Variants in SNTG2 observed in about 807,000 individuals in gnomAD.
SNTG2 encodes syntrophin gamma 2.
SNTG2 carries 74 observed loss-of-function variants against 70.9 expected under a neutral mutation model. The observed-to-expected ratio is 1.04, with a 90% CI of 0.86 to 1.27. SNTG2 has a LOEUF of 1.27. SNTG2 is among the 50% of genes most tolerant of loss of function. SNTG2 has a pLI of 0.00. For missense variants in SNTG2, 717 were observed against 690.7 expected, an observed-to-expected ratio of 1.04 and a Z score of -0.43; for synonymous variants, 278 against 273.8, an observed-to-expected ratio of 1.02 and a Z score of -0.15.
chr2:1,137,119 A>T (rs1001651452), intron 4 of SNTG2, among the ~76,000 whole-genome samples: 2 of 152,188 alleles, frequency 1.3e-5, no homozygotes, highest in Non-Finnish European at 2.9e-5. Context: ...TTTCCTTATG[A>T]AGAGGCCAAT....
rs1468161280 is a variant in SNTG2 at position 1,097,845 on chromosome 2, C to T, written c.211-351C>T. ...CGGTTCTAAAACAGGACTGAGTGCT[C>T]CGCCCCACTTCCCTTTCACCACCTG... On this transcript the variant is annotated intron_variant, in intron 2 of 16. Coordinates refer to ENST00000308624, the MANE Select transcript of SNTG2 (RefSeq NM_018968.4). This position sits in a 1 kb window ranked among gnomAD's most constrained non-coding sequence, Gnocchi z 4.1. 1.3e-5 allele frequency among the ~76,000 whole-genome samples: 2 copies of T among 151,746 alleles called. No individual in the cohort carries two copies. Among genetic ancestry groups the T allele is most frequent in the African/African-American group, 2.4e-5 (1 of 41,330 alleles).
At chr2:1,130,712 G>A (rs1667961681) in intron 4 of SNTG2, among the ~76,000 whole-genome samples, 1 of 152,130 alleles carries the variant, frequency 6.6e-6, no homozygotes, top group Non-Finnish European at 1.5e-5. Context: ...TGTATTTCTT[G>A]CCAAGAGGCT....
chr2:1,055,359 G>C (rs1322739760), intron 1 of SNTG2, among the ~76,000 whole-genome samples: 1 of 152,158 alleles, frequency 6.6e-6, no homozygotes, highest in Non-Finnish European at 1.5e-5. Flanking sequence ...GTTGCCTAGA[G>C]TGGGTACCGT....
intron 16 of SNTG2, among the ~76,000 whole-genome samples, chr2:1,331,994 G>T (rs978743006): frequency 6.6e-6 from 1 of 151,926 alleles, no homozygotes; most frequent in South Asian, 2.1e-4. Context: ...ACCCAGCCTG[G>T]TGCCTGCTCG....
At chr2:956,194 G>GCCCTGC (rs1660145543) in intron 1 of SNTG2, among the ~76,000 whole-genome samples, 2 of 38,804 alleles carry the variant, frequency 5.2e-5, no homozygotes, top group African/African-American at 8.7e-5. Context: ...ACCTACCCCT[G>GCCCTGC]CCCTGCCACT....
chr2:1,193,525 T>C (rs1672726994), intron 8 of SNTG2, among the ~76,000 whole-genome samples: 1 of 152,224 alleles, frequency 6.6e-6, no homozygotes, highest in Admixed American at 6.5e-5. Flanking sequence ...AAGTAAATCA[T>C]TTAAAACACT....
chr2:1,307,288 CTG>C (rs1365840165), intron 14 of SNTG2, among the ~76,000 whole-genome samples: 9 of 139,138 alleles, frequency 6.5e-5, no homozygotes, highest in African/African-American at 1.9e-4. Flanking sequence ...GAACCGTGCA[CTG>C]TGTGTGTGTG....
chr2:1,355,622 A>G (rs1451199035), intron 16 of SNTG2, among the ~76,000 whole-genome samples: 1 of 152,052 alleles, frequency 6.6e-6, no homozygotes, highest in Non-Finnish European at 1.5e-5. Context: ...TATCCTGGCT[A>G]TTGTGAGTAG....
intron 15 of SNTG2, 73 bp downstream of exon 15, chr2:1,308,659 C>CA: frequency 7.9e-7 from 1 of 1,264,656 alleles, no homozygotes; most frequent in East Asian, 2.5e-5. Context: ...CGTTAACACT[C>CA]ACGCATGTCT....
intron 1 of SNTG2, among the ~76,000 whole-genome samples, chr2:1,064,175 G>A (rs1049781089): frequency 6.7e-6 from 1 of 149,372 alleles, no homozygotes; most frequent in African/African-American, 2.5e-5. Context: ...CTAGAATTCT[G>A]TATCTGTGAA....
Position 965,642 on chromosome 2 carries a change from C to T in SNTG2, c.72+14574C>T, listed in dbSNP as rs1030159838. Reference sequence around the variant, plus strand: ...CTCGTCCTTTGGGCTGCCCTCGGCTCGGGGGCTGCTGCTGCTGGCGGGGGT... The same window carrying T: ...CTCGTCCTTTGGGCTGCCCTCGGCTTGGGGGCTGCTGCTGCTGGCGGGGGT... On this transcript the variant is annotated intron_variant, in intron 1 of 16. Transcript: ENST00000308624. 5.5e-4 allele frequency among the ~76,000 whole-genome samples: 84 copies of T among 152,036 alleles called. 1 individual carries two copies. The highest frequency in any genetic ancestry group is 2.1e-3 in the South Asian group (10 of 4,824).
intron 4 of SNTG2, among the ~76,000 whole-genome samples, chr2:1,121,802 A>G (rs1667395765): frequency 6.6e-6 from 1 of 152,148 alleles, no homozygotes; most frequent in Admixed American, 6.6e-5. Context: ...CTCTCCCTTG[A>G]CACGTGGGGA....
chr2:1,028,529 G>T (rs1305374193), intron 1 of SNTG2, among the ~76,000 whole-genome samples: 1 of 152,210 alleles, frequency 6.6e-6, no homozygotes, highest in Non-Finnish European at 1.5e-5. Context: ...CTCTAGACGG[G>T]AGGCCTGGTG....
intron 16 of SNTG2, among the ~76,000 whole-genome samples, chr2:1,317,558 G>C (rs1230440292): frequency 7.9e-6 from 1 of 126,328 alleles, no homozygotes; most frequent in Non-Finnish European, 1.7e-5. Context: ...GAGAAGGTTG[G>C]GATTCTGGAG....
At chr2:1,064,857 C>T (rs1663050307) in intron 1 of SNTG2, among the ~76,000 whole-genome samples, 1 of 152,112 alleles carries the variant, frequency 6.6e-6, no homozygotes, top group South Asian at 2.1e-4. Context: ...GGAACAAGGA[C>T]TTCAGTTAAA....
chr2:1,049,275 G>C, intron 1 of SNTG2, among the ~76,000 whole-genome samples: 1 of 152,156 alleles, frequency 6.6e-6, no homozygotes, highest in East Asian at 1.9e-4. Flanking sequence ...GTTTCATACA[G>C]AGTCACTTCA....
At chr2:1,299,050 A>G (rs188393527) in intron 14 of SNTG2, among the ~76,000 whole-genome samples, 281 of 152,292 alleles carry the variant, frequency 1.8e-3, no homozygotes, top group Non-Finnish European at 3.3e-3. Context: ...TTAATATTTA[A>G]TAAACTCCCC....
At chr2:1,085,947 C>T (rs563531311) in intron 2 of SNTG2, among the ~76,000 whole-genome samples, 34 of 152,188 alleles carry the variant, frequency 2.2e-4, no homozygotes, top group African/African-American at 6.0e-4. Context: ...TGTTAGGTCA[C>T]GGTAGATTTG....
At chr2:1,287,125 G>A (rs866032634) in intron 14 of SNTG2, among the ~76,000 whole-genome samples, 8 of 152,270 alleles carry the variant, frequency 5.3e-5, no homozygotes, top group South Asian at 2.1e-4. Context: ...TGCTTTTCCC[G>A]CCGAGGAGTC....
Sources: gnomAD v4.1 joint callset for allele counts (sites outside exome capture counted in the v4.1 genomes callset) on GRCh38, gnomAD v4.1.1 for gene constraint, Gnocchi (gnomAD v3.1) non-coding constraint, MANE v1.5 for transcripts, NCBI Gene and HGNC (gene_info 2026-07-23, HGNC 2026-07-21) for gene names.